Variants in TMEM131L observed in about 807,000 individuals in gnomAD.
TMEM131L encodes the protein transmembrane protein 131-like.
A neutral mutation model predicts 192.2 loss-of-function variants in TMEM131L; 54 were observed. The observed-to-expected ratio is 0.28, with a 90% CI of 0.23 to 0.35. The LOEUF (loss-of-function observed/expected upper bound fraction) is 0.35, where lower values mean the gene tolerates loss of function less well. TMEM131L is among the 10% of genes least tolerant of loss of function. TMEM131L has a pLI of 1.00. For synonymous variants in TMEM131L, 701 were observed against 704.9 expected (o/e 0.99, Z 0.09); for missense variants, 1,888 against 1,972.9 (o/e 0.96, Z 0.82).
intron 34 of TMEM131L, 49 bp downstream of exon 34, chr4:153,635,620 G>C (rs371767100): frequency 1.6e-4 from 260 of 1,598,896 alleles, no homozygotes; most frequent in Non-Finnish European, 2.2e-4. Context: ...GCTCTGAATT[G>C]TTTCCACTGC....
At chr4:153,609,178 C>T (rs187307385) in intron 25 of TMEM131L, among the ~76,000 whole-genome samples, 245 of 152,238 alleles carry the variant, frequency 1.6e-3, no homozygotes, top group South Asian at 3.3e-3. Context: ...GCTCACAGTT[C>T]TGTGGGCTGT....
chr4:153,517,842 T>A (rs1734841635), intron 3 of TMEM131L, among the ~76,000 whole-genome samples: 1 of 152,198 alleles, frequency 6.6e-6, no homozygotes, highest in Non-Finnish European at 1.5e-5. Flanking sequence ...CCAATGGTGG[T>A]AGTAGGCACC....
intron 25 of TMEM131L, among the ~76,000 whole-genome samples, chr4:153,604,791 G>A (rs909871348): frequency 5.9e-5 from 9 of 152,074 alleles, no homozygotes; most frequent in African/African-American, 1.9e-4. Flanking sequence ...TGTGACCTCC[G>A]CCTCCTGGGT....
At position 153,593,853 on chromosome 4, in the gene TMEM131L, C is replaced by T. The variant is rs150251365; in HGVS notation, c.1977C>T (p.Thr659=). ...INFTTGEFQL[T]EACPYLGTHS... is the part of the protein sequence containing the mutation. ...TCACAACTGGTGAATTCCAGCTCACCGAAGCTTGCCCTTACCTGGTAGGAT... is the reference window on the plus strand; with the variant it reads ...TCACAACTGGTGAATTCCAGCTCACTGAAGCTTGCCCTTACCTGGTAGGAT... The change falls in exon 19 of 35, where the codon ACC becomes ACT. Residue 659 remains threonine, a synonymous_variant. Transcript: ENST00000409959. 57 of 1,612,258 alleles carry T rather than the reference C, an allele frequency of 3.5e-5. No homozygotes were observed. In the South Asian group the frequency reaches 4.1e-4, roughly 11 times the overall value.
chr4:153,605,949 G>A (rs143471982), intron 25 of TMEM131L, among the ~76,000 whole-genome samples: 17 of 152,276 alleles, frequency 1.1e-4, no homozygotes, highest in South Asian at 6.2e-4. Flanking sequence ...AGTCCAACCC[G>A]TTTGTACCGT....
chr4:153,548,948 G>C (rs1369112410), intron 3 of TMEM131L, among the ~76,000 whole-genome samples: 1 of 151,932 alleles, frequency 6.6e-6, no homozygotes, highest in South Asian at 2.1e-4. Flanking sequence ...AAAATGGAAA[G>C]ATTCTATTTA....
chr4:153,534,277 G>A (rs1736141381), intron 3 of TMEM131L, among the ~76,000 whole-genome samples: 1 of 152,132 alleles, frequency 6.6e-6, no homozygotes, highest in South Asian at 2.1e-4. Context: ...TTTTATGGAT[G>A]TTATAAGGTG....
rs771034640 is a variant in TMEM131L at position 153,612,382 on chromosome 4, G to C, written c.3549G>C (p.Gln1183His). Residue 1183 changes from glutamine to histidine, a missense_variant, in exon 26 of 35, where the codon CAG becomes CAC. Coordinates refer to ENST00000409959, the MANE Select transcript of TMEM131L (RefSeq NM_001131007.2). ...TSREDMFSEKQDIPFVEQEDP... is the reference protein window; with the variant it reads ...TSREDMFSEKHDIPFVEQEDP... ...GAGAAGACATGTTTTCTGAGAAACA[G>C]GACATACCTTTCGTAGAGGTCTGTA... is the stretch of plus-strand genomic sequence containing the variant. The C allele has an allele frequency of 3.8e-6, 6 of 1,591,774 alleles. No homozygotes were observed. The highest frequency in any genetic ancestry group is 1.2e-5 in the South Asian group (1 of 83,778).
chr4:153,606,920 T>G (rs1409196822), intron 25 of TMEM131L, among the ~76,000 whole-genome samples: 1 of 152,200 alleles, frequency 6.6e-6, no homozygotes, highest in Non-Finnish European at 1.5e-5. Context: ...TAGCAGGAGA[T>G]TCCTCCCAGG....
chr4:153,574,174 TC>T (rs1177471266), intron 7 of TMEM131L, among the ~76,000 whole-genome samples: 1 of 152,226 alleles, frequency 6.6e-6, no homozygotes. Flanking sequence ...AAAAATGCTA[TC>T]CATATGCAGT....
intron 30 of TMEM131L, 35 bp from the exon 31 acceptor site, chr4:153,627,570 A>G: frequency 2.6e-6 from 4 of 1,540,290 alleles, no homozygotes; most frequent in Non-Finnish European, 3.6e-6. Context: ...GTGCAGAAAA[A>G]ATGAGTCGTT....
chr4:153,621,863 C>T lies in TMEM131L; in HGVS notation c.3859+14C>T. On this transcript the variant is annotated intron_variant, in intron 28 of 34. Coordinates refer to ENST00000409959, the MANE Select transcript of TMEM131L (RefSeq NM_001131007.2). ...AGAGAGAGGCAGGTATGTAATGATA[C>T]TGAGCTACAAATGGTGCTTCTGTGG... 1 of 1,612,514 alleles carries T rather than the reference C, an allele frequency of 6.2e-7. No individual in the cohort carries two copies. The highest frequency in any genetic ancestry group is 8.5e-7 in the Non-Finnish European group (1 of 1,178,992).
chr4:153,512,780 A>G (rs1352361586), intron 3 of TMEM131L, among the ~76,000 whole-genome samples: 1 of 152,052 alleles, frequency 6.6e-6, no homozygotes, highest in Admixed American at 6.6e-5. Context: ...AGCTCAGCTA[A>G]TTTTTTGTGT....
intron 14 of TMEM131L, 130 bp downstream of exon 14, chr4:153,586,509 T>C: frequency 1.7e-6 from 1 of 583,202 alleles, no homozygotes; most frequent in East Asian, 3.4e-5. Context: ...CTGAAGGATA[T>C]TACCAGGCCA....
intron 32 of TMEM131L, 49 bp downstream of exon 32, chr4:153,632,887 C>T (rs758735724): frequency 8.6e-5 from 138 of 1,600,158 alleles, no homozygotes; most frequent in Non-Finnish European, 1.1e-4. Context: ...TAAGGGCTTG[C>T]AGTTGGAATT....
chr4:153,552,744 G>A (rs745575430), intron 4 of TMEM131L, among the ~76,000 whole-genome samples: 13 of 152,056 alleles, frequency 8.5e-5, no homozygotes, highest in African/African-American at 1.7e-4. Context: ...TGAGGCAGGA[G>A]GATCACTTGA....
chr4:153,497,717 G>A (rs933525226), intron 3 of TMEM131L, among the ~76,000 whole-genome samples: 11 of 152,164 alleles, frequency 7.2e-5, no homozygotes, highest in Middle Eastern at 3.4e-3. Context: ...TTTGCCTGCC[G>A]AACGCACAGA....
intron 7 of TMEM131L, among the ~76,000 whole-genome samples, chr4:153,560,259 G>A (rs115437792): frequency 0.025 from 3,739 of 152,222 alleles, 147 homozygotes; most frequent in African/African-American, 0.084. Context: ...TGAGCTTCCC[G>A]TTGTACTCCC....
intron 3 of TMEM131L, among the ~76,000 whole-genome samples, chr4:153,499,045 C>T (rs1733395925): frequency 6.6e-6 from 1 of 152,214 alleles, no homozygotes; most frequent in Admixed American, 6.5e-5. Flanking sequence ...TGAATGTAGT[C>T]TTACGTAGAG....
Sources: allele counts gnomAD v4.1 joint callset (sites outside exome capture counted in the v4.1 genomes callset), GRCh38; gene constraint gnomAD v4.1.1; transcripts MANE v1.5; gene names NCBI Gene and HGNC (gene_info 2026-07-23, HGNC 2026-07-21).